FUT8: variants seen among roughly 807,000 people sequenced by gnomAD.
The protein encoded by FUT8 is alpha-(1,6)-fucosyltransferase.
A neutral mutation model predicts 71.3 loss-of-function variants in FUT8; 29 were observed. The ratio of observed to expected loss-of-function variants is 0.41; its 90% confidence interval spans 0.30 to 0.55. The LOEUF (loss-of-function observed/expected upper bound fraction) is 0.55, where lower values mean the gene tolerates loss of function less well. Among genes scored for constraint, FUT8 ranks in the 20% least tolerant of loss-of-function variants. The pLI, the probability that FUT8 is intolerant of heterozygous loss-of-function variation, is 0.34. For synonymous variants in FUT8, 254 were observed against 239.3 expected, an observed-to-expected ratio of 1.06 and a Z score of -0.57; for missense variants, 544 against 702.1, an observed-to-expected ratio of 0.77 and a Z score of 2.55.
chr14:65,494,526 G>A (rs567234993), intron 2 of FUT8, among the ~76,000 whole-genome samples: 26 of 152,212 alleles, frequency 1.7e-4, no homozygotes, highest in African/African-American at 6.0e-4. Context: ...AGGAATCTGG[G>A]GCTGCAAAGC....
At chr14:65,705,501 A>G (rs925031987) in intron 7 of FUT8, among the ~76,000 whole-genome samples, 1 of 152,212 alleles carries the variant, frequency 6.6e-6, no homozygotes, top group Non-Finnish European at 1.5e-5. Context: ...GTTAGCTTTC[A>G]GCCTTGATCT....
chr14:65,457,091 T>A (rs2065904307), intron 2 of FUT8, among the ~76,000 whole-genome samples: 1 of 152,198 alleles, frequency 6.6e-6, no homozygotes, highest in African/African-American at 2.4e-5. Context: ...AGGTTAACTA[T>A]AATCACCCTA....
chr14:65,596,538 C>T (rs1887989206), intron 3 of FUT8, among the ~76,000 whole-genome samples: 1 of 152,090 alleles, frequency 6.6e-6, no homozygotes, highest in South Asian at 2.1e-4. Context: ...TTTTTAAGAG[C>T]CATCTTTCTT....
chr14:65,658,675 C>A (rs1239391011), intron 6 of FUT8, among the ~76,000 whole-genome samples: 2 of 152,100 alleles, frequency 1.3e-5, no homozygotes, highest in Non-Finnish European at 2.9e-5. Flanking sequence ...TAACTACTAT[C>A]TAATTCCATT....
chr14:65,458,389 C>T (rs892933149), intron 2 of FUT8, among the ~76,000 whole-genome samples: 1 of 138,092 alleles, frequency 7.2e-6, no homozygotes, highest in Non-Finnish European at 1.6e-5. Context: ...AAAGGTTGGG[C>T]ATGGAAAAGT....
intron 2 of FUT8, among the ~76,000 whole-genome samples, chr14:65,547,156 T>C (rs1885028762): frequency 6.6e-6 from 1 of 151,580 alleles, no homozygotes; most frequent in Admixed American, 6.6e-5. Context: ...TTAGTCCAAC[T>C]GGAAGATTTT....
At chr14:65,598,237 T>TC (rs1424362582) in intron 3 of FUT8, among the ~76,000 whole-genome samples, 4 of 152,278 alleles carry the variant, frequency 2.6e-5, no homozygotes, top group Admixed American at 6.5e-5. Context: ...ATTTTTTTTT[T>TC]CCGAGACGGG....
rs34809476 is a variant in FUT8, at chr14:65,508,491, G to GTTTTTTTTTTT, written c.-228+52789_-228+52799dup. 1.9e-4 allele frequency among the ~76,000 whole-genome samples: 9 copies of GTTTTTTTTTTT among 46,500 alleles called. 3 individuals are homozygous for GTTTTTTTTTTT. Among genetic ancestry groups the GTTTTTTTTTTT allele is most frequent in the African/African-American group, 4.2e-4 (5 of 11,838 alleles). 30.5% of individuals were successfully genotyped at this position (46,500 alleles called of 152,430 possible). On this transcript the variant is annotated intron_variant, in intron 2 of 10. Transcript: ENST00000673929. ...AATTTTTTCCTGTAGAGTTGTTTGA[G>GTTTTTTTTTTT]TTTTTTTTTTTTTTTTTTTTTTTTT...
chr14:65,544,033 A>G (rs545730972), intron 2 of FUT8, among the ~76,000 whole-genome samples: 3 of 152,126 alleles, frequency 2.0e-5, no homozygotes, highest in East Asian at 1.9e-4. Context: ...TTGAGTTGCA[A>G]TTTCTCTTGT....
chr14:65,680,437 T>C (rs10139190), intron 7 of FUT8, among the ~76,000 whole-genome samples: 1,588 of 152,354 alleles, frequency 0.01, 28 homozygotes, highest in African/African-American at 0.037. Flanking sequence ...GTTCTAGCCT[T>C]ATCTGTTGAA....
chr14:65,690,537 G>A (rs1373250199), intron 7 of FUT8, among the ~76,000 whole-genome samples: 1 of 151,776 alleles, frequency 6.6e-6, no homozygotes, highest in Non-Finnish European at 1.5e-5. Flanking sequence ...TATTTATTTA[G>A]ATTTTCTTTG....
chr14:65,645,335 A>G (rs1388970238), intron 6 of FUT8, among the ~76,000 whole-genome samples: 1 of 152,194 alleles, frequency 6.6e-6, no homozygotes, highest in Non-Finnish European at 1.5e-5. Context: ...TGCTCTCTAT[A>G]ATACTGTTTT....
chr14:65,544,873 T>A (rs1245087994), intron 2 of FUT8, among the ~76,000 whole-genome samples: 1 of 152,026 alleles, frequency 6.6e-6, no homozygotes, highest in Non-Finnish European at 1.5e-5. Context: ...AAAATCAAAT[T>A]TTATAATCTT....
At chr14:65,357,224 C>G in the FUT8 span, among the ~76,000 whole-genome samples, 1 of 152,238 alleles carries the variant, frequency 6.6e-6, no homozygotes, top group African/African-American at 2.4e-5. Flanking sequence ...GTGCTTGTCA[C>G]ATAGCAAGTA....
chr14:65,713,091 C>T (rs1270943588), intron 7 of FUT8, among the ~76,000 whole-genome samples: 1 of 152,172 alleles, frequency 6.6e-6, no homozygotes, highest in African/African-American at 2.4e-5. Context: ...TGTCATTCTA[C>T]ACTCTATCTC....
chr14:65,591,369 T>C (rs1391304580), intron 3 of FUT8, among the ~76,000 whole-genome samples: 1 of 152,158 alleles, frequency 6.6e-6, no homozygotes, highest in Non-Finnish European at 1.5e-5. Flanking sequence ...ATTCTACTTC[T>C]GAAAGCTTAT....
chr14:65,560,139 T>C (rs1338914977), intron 2 of FUT8, among the ~76,000 whole-genome samples: 2 of 152,152 alleles, frequency 1.3e-5, no homozygotes, highest in Non-Finnish European at 2.9e-5. Context: ...ATAGTGGCCC[T>C]GTGCTCTGAT....
At chr14:65,372,062 C>T in the FUT8 span, among the ~76,000 whole-genome samples, 1 of 152,180 alleles carries the variant, frequency 6.6e-6, no homozygotes, top group Non-Finnish European at 1.5e-5. Flanking sequence ...TTGTACCTCC[C>T]TTCTCTGGCA....
At chr14:65,541,645 C>T (rs138318646) in intron 2 of FUT8, among the ~76,000 whole-genome samples, 97 of 152,268 alleles carry the variant, frequency 6.4e-4, no homozygotes, top group African/African-American at 1.9e-3. Context: ...GGTGAGGGCA[C>T]ATGTTCTTTA....
Sources: allele counts gnomAD v4.1 joint callset (sites outside exome capture counted in the v4.1 genomes callset), GRCh38; gene constraint gnomAD v4.1.1; transcripts MANE v1.5; gene names NCBI Gene and HGNC (gene_info 2026-07-23, HGNC 2026-07-21).